LINGO2: variants seen among roughly 807,000 people sequenced by gnomAD.
LINGO2 encodes leucine rich repeat and Ig domain containing 2, also known as leucine-rich repeat and immunoglobulin-like domain-containing nogo receptor-interacting protein 2.
A neutral mutation model predicts 30.6 loss-of-function variants in LINGO2; 14 were observed. The ratio of observed to expected loss-of-function variants is 0.46; its 90% confidence interval spans 0.30 to 0.72. The LOEUF is 0.72. LINGO2 is among the 30% of genes least tolerant of loss of function. The pLI, the probability that LINGO2 is intolerant of heterozygous loss-of-function variation, is 0.07. For missense variants in LINGO2, 729 were observed against 751.7 expected (o/e 0.97, Z 0.35); for synonymous variants, 317 against 288.5 (o/e 1.10, Z -1.00).
intron 1 of LINGO2, among the ~76,000 whole-genome samples, chr9:28,484,352 G>A (rs1323155912): frequency 6.6e-6 from 1 of 151,982 alleles, no homozygotes; most frequent in Non-Finnish European, 1.5e-5. Flanking sequence ...TATATAGAGT[G>A]GAAGGCTTGT....
At chr9:28,309,400 G>C (rs556902628) in intron 3 of LINGO2, among the ~76,000 whole-genome samples, 1 of 151,160 alleles carries the variant, frequency 6.6e-6, no homozygotes, top group Non-Finnish European at 1.5e-5. Context: ...CATGGACACA[G>C]GAAGGGGAAC....
the LINGO2 span, among the ~76,000 whole-genome samples, chr9:28,727,489 C>A: frequency 2.6e-5 from 4 of 152,090 alleles, no homozygotes; most frequent in Non-Finnish European, 5.9e-5. Context: ...GGGGTTTCAA[C>A]GTGTTAGCCA....
the LINGO2 span, among the ~76,000 whole-genome samples, chr9:28,848,395 GTGTA>G: frequency 7.4e-3 from 285 of 38,750 alleles, 5 homozygotes; most frequent in South Asian, 0.011. Flanking sequence ...GTGTGTGTGT[GTGTA>G]TATATATATA....
At chr9:28,654,355 C>T (rs12005156) in intron 1 of LINGO2, among the ~76,000 whole-genome samples, 53,489 of 151,778 alleles carry the variant, frequency 0.35, 10,554 homozygotes, top group African/African-American at 0.52. Context: ...ATATTCATTT[C>T]AGAAATCACA....
At chr9:28,749,458 T>G in the LINGO2 span, among the ~76,000 whole-genome samples, 1 of 152,038 alleles carries the variant, frequency 6.6e-6, no homozygotes, top group African/African-American at 2.4e-5. Flanking sequence ...CCTACTCCTA[T>G]AGGTGGTAGG....
At chr9:29,127,984 A>T in the LINGO2 span, among the ~76,000 whole-genome samples, 1 of 152,108 alleles carries the variant, frequency 6.6e-6, no homozygotes, top group Admixed American at 6.6e-5. Flanking sequence ...TAAGGACAAA[A>T]GAAACACACC....
the LINGO2 span, among the ~76,000 whole-genome samples, chr9:29,161,182 G>A: frequency 6.6e-6 from 1 of 152,228 alleles, no homozygotes; most frequent in African/African-American, 2.4e-5. Context: ...GCACAAAGCA[G>A]GCTGCCGAGA....
At chr9:28,960,476 C>A in the LINGO2 span, among the ~76,000 whole-genome samples, 2 of 151,066 alleles carry the variant, frequency 1.3e-5, no homozygotes, top group East Asian at 3.9e-4. Context: ...TGGAGCCAGC[C>A]TAGATGACAG....
chr9:28,835,925 C>G, the LINGO2 span, among the ~76,000 whole-genome samples: 541 of 152,258 alleles, frequency 3.6e-3, 3 homozygotes, highest in Non-Finnish European at 5.1e-3. Context: ...TCTCTTTCAG[C>G]TCATGATTTC....
intron 2 of LINGO2, among the ~76,000 whole-genome samples, chr9:28,373,381 T>C (rs1370492426): frequency 6.6e-6 from 1 of 152,196 alleles, no homozygotes; most frequent in Non-Finnish European, 1.5e-5. Flanking sequence ...TTCTCCCTTA[T>C]GGACCAAGTG....
chr9:28,566,227 G>A (rs1023003245), intron 1 of LINGO2, among the ~76,000 whole-genome samples: 2 of 152,144 alleles, frequency 1.3e-5, no homozygotes, highest in African/African-American at 2.4e-5. Context: ...AATGGTGGAG[G>A]AGGATCTTTT....
the LINGO2 span, among the ~76,000 whole-genome samples, chr9:28,728,033 T>C: frequency 2.6e-5 from 4 of 152,164 alleles, no homozygotes; most frequent in African/African-American, 9.7e-5. Flanking sequence ...AGGAAACTGC[T>C]GAGGTACTAC....
chr9:28,953,212 C>T, the LINGO2 span, among the ~76,000 whole-genome samples: 4 of 152,036 alleles, frequency 2.6e-5, no homozygotes, highest in East Asian at 3.9e-4. Flanking sequence ...AGATTCTCTG[C>T]CATTCTTTGA....
chr9:28,118,649 A>T (rs2133387146), intron 4 of LINGO2, among the ~76,000 whole-genome samples: 1 of 152,336 alleles, frequency 6.6e-6, no homozygotes, highest in Non-Finnish European at 1.5e-5. Flanking sequence ...AACTAGGAAT[A>T]AATTATAATT....
At chr9:28,235,605 C>A (rs559412645) in intron 4 of LINGO2, among the ~76,000 whole-genome samples, 1 of 151,964 alleles carries the variant, frequency 6.6e-6, no homozygotes, top group Non-Finnish European at 1.5e-5. Context: ...AACGCAGAGA[C>A]GAAATTCAGA....
intron 3 of LINGO2, among the ~76,000 whole-genome samples, chr9:28,336,985 T>C (rs1204397132): frequency 6.6e-6 from 1 of 151,434 alleles, no homozygotes; most frequent in African/African-American, 2.4e-5. Context: ...TACTAAAATT[T>C]GAATCAACTT....
chr9:28,107,825 G>A (rs1055646864), intron 4 of LINGO2, among the ~76,000 whole-genome samples: 5 of 152,062 alleles, frequency 3.3e-5, no homozygotes, highest in Non-Finnish European at 7.4e-5. Context: ...CACCTCATAT[G>A]CTTGGCTACT....
the LINGO2 span, among the ~76,000 whole-genome samples, chr9:28,904,894 G>A: frequency 6.6e-6 from 1 of 151,934 alleles, no homozygotes; most frequent in African/African-American, 2.4e-5. Flanking sequence ...ATCTTAACCA[G>A]AAGGAATGAA....
intron 2 of LINGO2, among the ~76,000 whole-genome samples, chr9:28,381,593 A>C (rs1821361173): frequency 1.4e-5 from 2 of 147,738 alleles, no homozygotes; most frequent in Non-Finnish European, 3.0e-5. Context: ...CACCATCAAT[A>C]AAAAATACCA....
Sources: allele counts gnomAD v4.1 joint callset (sites outside exome capture counted in the v4.1 genomes callset), GRCh38; gene constraint gnomAD v4.1.1; transcripts MANE v1.5; gene names NCBI Gene and HGNC (gene_info 2026-07-23, HGNC 2026-07-21).